Variants in CPED1 observed in about 807,000 individuals in gnomAD.
CPED1 encodes the protein cadherin-like and PC-esterase domain-containing protein 1.
CPED1 carries 114 observed loss-of-function variants against 128.2 expected under a neutral mutation model. That is an observed-to-expected ratio of 0.89 (90% CI 0.76 to 1.04). The LOEUF is 1.04. Ranked by LOEUF, CPED1 falls within the 50% of genes least tolerant of loss-of-function variation. CPED1 has a pLI of 0.00. For missense variants in CPED1, 1,211 were observed against 1,207.1 expected, an observed-to-expected ratio of 1.00 and a Z score of -0.05; for synonymous variants, 462 against 426.7, an observed-to-expected ratio of 1.08 and a Z score of -1.02.
At chr7:121,261,631 G>C in intron 18 of CPED1, 1 of 1,610,226 alleles carries the variant, frequency 6.2e-7, no homozygotes, top group Non-Finnish European at 8.5e-7. Flanking sequence ...CCTTCCTTCA[G>C]TTGGGTGTCG....
At chr7:121,194,399 C>G (rs899834372) in intron 16 of CPED1, among the ~76,000 whole-genome samples, 1 of 151,920 alleles carries the variant, frequency 6.6e-6, no homozygotes, top group African/African-American at 2.4e-5. Flanking sequence ...ATGGCACTAC[C>G]TGGATAATGC....
chr7:121,088,525 G>T (rs1290998544), intron 5 of CPED1, among the ~76,000 whole-genome samples: 1 of 151,548 alleles, frequency 6.6e-6, no homozygotes, highest in East Asian at 1.9e-4. Context: ...TGGGTGTGAT[G>T]GTGTGCGCCT....
rs762952664 is a variant in CPED1 at position 121,236,796 on chromosome 7, C to A, written c.2138C>A (p.Ser713Tyr). ...SSDYIEAILQ[S>Y]ELKRCPSGDM... is the part of the protein sequence containing the mutation. ...GACTACATTGAAGCCATTTTACAGT[C>A]TGAACTAAAAAGATGTCCATCTGGG... The change falls in exon 17 of 23, where the codon TCT becomes TAT. Residue 713 changes from serine (S) to tyrosine (Y), a missense_variant. Physicochemically the swap from Ser to Tyr is moderately radical, Grantham distance 144. Coordinates refer to ENST00000310396, the MANE Select transcript of CPED1 (RefSeq NM_024913.5). The A allele has an allele frequency of 6.2e-7, 1 of 1,606,824 alleles. No individual in the cohort carries two copies. The highest frequency in any genetic ancestry group is 1.1e-5 in the South Asian group (1 of 89,886).
chr7:121,248,652 C>A (rs560827548), intron 18 of CPED1, among the ~76,000 whole-genome samples: 1 of 148,690 alleles, frequency 6.7e-6, no homozygotes, highest in East Asian at 2.0e-4. Flanking sequence ...CAGAGCCTTG[C>A]CCTTTGAAAA....
chr7:121,055,885 A>G (rs912197082), intron 4 of CPED1, among the ~76,000 whole-genome samples: 11 of 152,024 alleles, frequency 7.2e-5, no homozygotes, highest in Admixed American at 7.2e-4. Flanking sequence ...TCAAAAATAG[A>G]AACAAAAAAA....
intron 18 of CPED1, among the ~76,000 whole-genome samples, chr7:121,248,080 G>T (rs554931888): frequency 1.9e-4 from 29 of 152,280 alleles, no homozygotes; most frequent in South Asian, 6.2e-4. Context: ...AACTCCAAGG[G>T]TTCAAAGGAT....
intron 5 of CPED1, among the ~76,000 whole-genome samples, chr7:121,091,766 AT>A (rs1294280084): frequency 6.6e-6 from 1 of 152,196 alleles, no homozygotes; most frequent in Non-Finnish European, 1.5e-5. Flanking sequence ...AAGTAAAGAA[AT>A]TGACTCATGA....
intron 21 of CPED1, among the ~76,000 whole-genome samples, chr7:121,269,337 C>A (rs1414157847): frequency 3.9e-5 from 6 of 151,954 alleles, no homozygotes; most frequent in Admixed American, 3.9e-4. Flanking sequence ...TGATTTTGTT[C>A]TTTAGGCTGC....
intron 6 of CPED1, among the ~76,000 whole-genome samples, chr7:121,098,068 GT>G (rs1794743459): frequency 6.6e-6 from 1 of 152,120 alleles, no homozygotes; most frequent in Non-Finnish European, 1.5e-5. Flanking sequence ...TATCTAATAA[GT>G]TACATTAAAG....
chr7:121,047,709 CTTCTTCTTT>C lies in CPED1; in HGVS notation c.540+719_540+727del, dbSNP rs1477789611. The stretch of plus-strand genomic sequence containing the variant: ...TCTTCTTCTTCTTCTTCTTCTTCTT[CTTCTTCTTT>C]TTTTTTTTTTGAGACGTAATCTTGC... On this transcript the variant is annotated intron_variant, in intron 4 of 22. Coordinates refer to ENST00000310396, the MANE Select transcript of CPED1 (RefSeq NM_024913.5). Among the ~76,000 whole-genome samples the C allele has an allele frequency of 4.7e-4, 41 of 86,816 alleles. No individual in the cohort carries two copies. The South Asian group carries it at 0.011, about 23-fold the overall frequency. 57.0% of individuals were successfully genotyped at this position (86,816 alleles called of 152,430 possible). A position where few individuals can be genotyped will look rare whatever the true frequency, so the allele number is the denominator to read the frequency against.
intron 16 of CPED1, among the ~76,000 whole-genome samples, chr7:121,191,824 C>A (rs1199032225): frequency 1.3e-5 from 2 of 152,060 alleles, no homozygotes; most frequent in African/African-American, 4.8e-5. Context: ...TTTGAACTTT[C>A]CTTCAACGTT....
At chr7:121,095,379 A>G (rs1794673782) in intron 5 of CPED1, among the ~76,000 whole-genome samples, 1 of 152,152 alleles carries the variant, frequency 6.6e-6, no homozygotes, top group Non-Finnish European at 1.5e-5. Flanking sequence ...ATTCCATAAA[A>G]TGCATTTGCA....
chr7:121,090,087 T>A (rs576254904), intron 5 of CPED1, among the ~76,000 whole-genome samples: 10 of 152,284 alleles, frequency 6.6e-5, no homozygotes, highest in Non-Finnish European at 1.2e-4. Flanking sequence ...CATAGAGCAG[T>A]CCAAGGGGAA....
In CPED1 at chr7:121,136,057, A is replaced by G. The variant is rs1795777320; in HGVS notation, c.1666A>G (p.Lys556Glu). The G allele has an allele frequency of 6.5e-7, 1 of 1,544,574 alleles. No individual in the cohort carries two copies. The highest frequency in any genetic ancestry group is 1.4e-5 in the African/African-American group (1 of 71,530). ...TTTTTTAGCTGCAGTTCCACAAATT[A>G]AAAATGAAAATAAAGAAATACATTG... ...ENKKAAVPQIKNENKEIHCSD... is the reference protein window; with the variant it reads ...ENKKAAVPQIENENKEIHCSD... The change falls in exon 14 of 23, where the codon AAA (lysine) becomes GAA (glutamate). Residue 556 changes from lysine to glutamate, a missense_variant. By Grantham distance (56) the Lys-to-Glu change is moderately conservative. Coordinates refer to ENST00000310396, the MANE Select transcript of CPED1 (RefSeq NM_024913.5).
intron 3 of CPED1, among the ~76,000 whole-genome samples, chr7:121,024,558 T>C (rs1030015428): frequency 9.9e-5 from 15 of 152,184 alleles, no homozygotes; most frequent in African/African-American, 3.6e-4. Flanking sequence ...CTGGGAAATG[T>C]TTAAATATAA....
At chr7:121,166,464 A>G (rs1796527303) in intron 16 of CPED1, among the ~76,000 whole-genome samples, 1 of 152,218 alleles carries the variant, frequency 6.6e-6, no homozygotes, top group African/African-American at 2.4e-5. Context: ...TACATTTTAA[A>G]TGATTCCAGT....
At chr7:121,089,152 A>G in intron 5 of CPED1, among the ~76,000 whole-genome samples, 1 of 152,136 alleles carries the variant, frequency 6.6e-6, no homozygotes, top group African/African-American at 2.4e-5. Context: ...TGGTTTAGTA[A>G]TCCTATCAGA....
chr7:121,064,463 G>A, intron 5 of CPED1, 150 bp downstream of exon 5: 1 of 589,706 alleles, frequency 1.7e-6, no homozygotes, highest in Non-Finnish European at 3.0e-6. Context: ...ACAACGCTTT[G>A]CCAATGAAAA....
chr7:121,020,222 G>T (rs1177940723), intron 3 of CPED1, among the ~76,000 whole-genome samples: 1 of 151,964 alleles, frequency 6.6e-6, no homozygotes, highest in Non-Finnish European at 1.5e-5. Context: ...TAACTTGAGG[G>T]TTTAACATAG....
Sources: gnomAD v4.1 joint callset for allele counts (sites outside exome capture counted in the v4.1 genomes callset) on GRCh38, gnomAD v4.1.1 for gene constraint, MANE v1.5 for transcripts, NCBI Gene and HGNC (gene_info 2026-07-23, HGNC 2026-07-21) for gene names.